The following SLC35A5 variants were observed in gnomAD, a reference collection of about 807,000 sequenced individuals.
SLC35A5 encodes UDP-sugar transporter protein SLC35A5.
A neutral mutation model predicts 36.3 loss-of-function variants in SLC35A5; 28 were observed. That is an observed-to-expected ratio of 0.77 (90% confidence interval 0.57 to 1.06). The LOEUF (loss-of-function observed/expected upper bound fraction) is 1.06. Among genes scored for constraint, SLC35A5 ranks in the 50% least tolerant of loss-of-function variants. SLC35A5 has a pLI of 0.00. For synonymous variants in SLC35A5, 180 were observed against 173.7 expected, an observed-to-expected ratio of 1.04 and a Z score of -0.29; for missense variants, 521 against 499.3, an observed-to-expected ratio of 1.04 and a Z score of -0.41.
At chr3:112,575,515 T>C (rs1402541035) in intron 5 of SLC35A5, among the ~76,000 whole-genome samples, 2 of 152,028 alleles carry the variant, frequency 1.3e-5, no homozygotes, top group Admixed American at 6.5e-5. Context: ...ATTTTAAATA[T>C]TTGCTTTTAA....
intron 5 of SLC35A5, among the ~76,000 whole-genome samples, chr3:112,577,209 A>G (rs1190902359): frequency 6.6e-6 from 1 of 152,186 alleles, no homozygotes; most frequent in Non-Finnish European, 1.5e-5. Context: ...AGTGGGAAAA[A>G]AAATATTATC....
At position 112,581,242 on chromosome 3, in the gene SLC35A5, C is replaced by T. The variant is rs1934906361; in HGVS notation, c.1125C>T (p.Ala375=). The T allele has an allele frequency of 6.2e-7, 1 of 1,613,752 alleles. No individual in the cohort carries two copies. The highest frequency in any genetic ancestry group is 1.3e-5 in the African/African-American group (1 of 74,936). The change falls in exon 6 of 7, where the codon GCC becomes GCT. Residue 375 remains alanine, a synonymous_variant. Coordinates refer to ENST00000492406, the MANE Select transcript of SLC35A5 (RefSeq NM_017945.5). ...TTCTCTCTATATTTATTTATAATGC[C>T]AGCAAGCCTCAAGTTCCGGAATACG... ...SVLLSIFIYN[A]SKPQVPEYAP... is the part of the protein sequence containing the mutation.
chr3:112,563,376 CTCTTTA>C lies in SLC35A5; in HGVS notation c.-19-8_-19-3del, dbSNP rs1263869108. On this transcript the variant is annotated splice_polypyrimidine_tract_variant and splice_region_variant and intron_variant, in intron 1 of 6. Transcript: ENST00000492406. ...CAAGGTCGTTCATGAAAGTGTTTTT[CTCTTTA>C]AGGTAATTAAAAAACAGTGGAATGG... 3 of 1,449,058 alleles carry C rather than the reference CTCTTTA, an allele frequency of 2.1e-6. No homozygotes were observed. The highest frequency in any genetic ancestry group is 2.8e-6 in the Non-Finnish European group (3 of 1,080,894). The allele number at this position is 1,449,058 out of a possible 1,614,324, so 89.8% of individuals were successfully genotyped here. A position where few individuals can be genotyped will look rare whatever the true frequency, so the allele number is the denominator to read the frequency against.
chr3:112,564,489 A>G (rs1045521718), intron 2 of SLC35A5: 10 of 152,286 alleles, frequency 6.6e-5, no homozygotes, highest in Admixed American at 1.3e-4. Context: ...CTATCTCAGT[A>G]GATGGAATAT....
At chr3:112,573,176 A>G (rs951703036) in intron 4 of SLC35A5, among the ~76,000 whole-genome samples, 11 of 152,180 alleles carry the variant, frequency 7.2e-5, no homozygotes, top group African/African-American at 2.7e-4. Context: ...AGGGTGAAGT[A>G]CATCCTAAGA....
At chr3:112,561,328 C>T (rs150980880), upstream of SLC35A5, 41 of 923,820 alleles carry the variant, frequency 4.4e-5, no homozygotes, top group East Asian at 1.1e-3. Context: ...TGCACACTTC[C>T]CTGTGTCTCG....
intron 1 of SLC35A5, among the ~76,000 whole-genome samples, chr3:112,562,699 C>A (rs1217033496): frequency 6.6e-6 from 1 of 152,184 alleles, no homozygotes; most frequent in African/African-American, 2.4e-5. Context: ...TAAGCTTTTT[C>A]CTCCGAGGGA....
At chr3:112,577,252 A>G (rs1934715989) in intron 5 of SLC35A5, among the ~76,000 whole-genome samples, 1 of 152,250 alleles carries the variant, frequency 6.6e-6, no homozygotes, top group East Asian at 1.9e-4. Context: ...TCTAAAAAGA[A>G]TAAAATACCT....
chr3:112,568,155 G>C (rs540377384), intron 2 of SLC35A5, among the ~76,000 whole-genome samples: 110 of 152,318 alleles, frequency 7.2e-4, no homozygotes, highest in Non-Finnish European at 1.3e-3. Flanking sequence ...TAGGGCCACA[G>C]AGGTTTAGAG....
chr3:112,577,848 A>G (rs914291280), intron 5 of SLC35A5, among the ~76,000 whole-genome samples: 4 of 152,244 alleles, frequency 2.6e-5, no homozygotes, highest in Non-Finnish European at 5.9e-5. Context: ...ACTTCTCATT[A>G]TAAATCTGCC....
rs763676791 is a variant in SLC35A5 at position 112,580,850 on chromosome 3, A to G, written c.733A>G (p.Met245Val). ...TATAGTCCAGTGTTTTATTTCTTCA[A>G]TGGCTAATATCTATAATGAAAAGAT... ...LIIVQCFISS[M>V]ANIYNEKILK... The change falls in exon 6 of 7, where the codon ATG (methionine) becomes GTG (valine). Residue 245 changes from methionine to valine, a missense_variant. Coordinates refer to ENST00000492406, the MANE Select transcript of SLC35A5 (RefSeq NM_017945.5). 5.6e-6 allele frequency: 9 copies of G among 1,614,046 alleles called. No individual in the cohort carries two copies. The highest frequency in any genetic ancestry group is 4.5e-5 in the East Asian group (2 of 44,896).
At chr3:112,572,220 G>A (rs900983573) in intron 4 of SLC35A5, among the ~76,000 whole-genome samples, 11 of 151,586 alleles carry the variant, frequency 7.3e-5, no homozygotes, top group Non-Finnish European at 1.2e-4. Flanking sequence ...GGGATTACAG[G>A]CGTGAGCCAC....
chr3:112,581,141 A>G lies in SLC35A5; in HGVS notation c.1024A>G (p.Ile342Val), dbSNP rs767064773. The G allele has an allele frequency of 5.0e-6, 8 of 1,613,822 alleles. No individual in the cohort carries two copies. The highest frequency in any genetic ancestry group is 2.2e-5 in the South Asian group (2 of 91,082). ...CTTGATGGCCCAGGTTACCACTGTC[A>G]TTATCACAACAGTGTCTGTCCTGGT... ...HVLMAQVTTV[I>V]ITTVSVLVFD... Residue 342 changes from isoleucine to valine, a missense_variant, in exon 6 of 7, where the codon ATT becomes GTT. Transcript: ENST00000492406.
At position 112,582,991 on chromosome 3, in the gene SLC35A5, A is replaced by G; in HGVS notation, c.*255A>G. On this transcript the variant is annotated 3_prime_UTR_variant, in exon 7 of 7. Transcript: ENST00000492406. Reference sequence around the variant, plus strand: ...TCAGTACTTGATAAATCAGAAAGTTATATGTGCAGATTATTTTCCTTGGCC... The same window carrying G: ...TCAGTACTTGATAAATCAGAAAGTTGTATGTGCAGATTATTTTCCTTGGCC... 2.2e-6 allele frequency: 1 copy of G among 460,672 alleles called. No homozygotes were observed. Among genetic ancestry groups the G allele is most frequent in the Admixed American group, 3.9e-5 (1 of 25,544 alleles). 28.5% of individuals were successfully genotyped at this position (460,672 alleles called of 1,614,324 possible).
rs751036255 is a variant in SLC35A5 at position 112,563,537 on chromosome 3, A to G, written c.130+4A>G. 1 of 1,596,034 alleles carries G rather than the reference A, an allele frequency of 6.3e-7. No individual in the cohort carries two copies. The highest frequency in any genetic ancestry group is 1.1e-5 in the South Asian group (1 of 89,598). The stretch of plus-strand genomic sequence containing the variant: ...GTGAAGTATTCTGCCAATGAAGGTA[A>G]GTTAAGACTTGGTATATGCATGGAG... On this transcript the variant is annotated splice_donor_region_variant and intron_variant, in intron 2 of 6. Transcript: ENST00000492406.
intron 5 of SLC35A5, among the ~76,000 whole-genome samples, chr3:112,579,637 C>G (rs1934815308): frequency 6.6e-6 from 1 of 152,150 alleles, no homozygotes; most frequent in African/African-American, 2.4e-5. Context: ...GCTCAAGTGT[C>G]ATTTCCTCTT....
At chr3:112,561,509 G>A, upstream of SLC35A5, 3 of 1,543,388 alleles carry the variant, frequency 1.9e-6, no homozygotes, top group Non-Finnish European at 2.6e-6. Flanking sequence ...TCCCTTCACA[G>A]TATTAATCAC....
rs774328670 is a variant in SLC35A5 at position 112,584,010 on chromosome 3, CTT to C, written c.*1275_*1276del. On this transcript the variant is annotated 3_prime_UTR_variant, in exon 7 of 7. Coordinates refer to ENST00000492406, the MANE Select transcript of SLC35A5 (RefSeq NM_017945.5). ...AGCTTTATGGTGTCATTCTCAGAAACTTACACATTTCTGCTCTCCTTTCTCCT... is the reference window on the plus strand; with the variant it reads ...AGCTTTATGGTGTCATTCTCAGAAACACACATTTCTGCTCTCCTTTCTCCT... 1 of 152,180 alleles carries C rather than the reference CTT, an allele frequency of 6.6e-6. No homozygotes were observed. The highest frequency in any genetic ancestry group is 1.9e-4 in the East Asian group (1 of 5,170). 9.4% of individuals were successfully genotyped at this position (152,180 alleles called of 1,614,324 possible).
At chr3:112,573,454 G>A (rs536271479) in intron 4 of SLC35A5, among the ~76,000 whole-genome samples, 2 of 152,270 alleles carry the variant, frequency 1.3e-5, no homozygotes, top group Non-Finnish European at 2.9e-5. Context: ...ACAATTCCTA[G>A]AATGGTAAAG....
Sources: gnomAD v4.1 joint callset for allele counts (sites outside exome capture counted in the v4.1 genomes callset) on GRCh38, gnomAD v4.1.1 for gene constraint, MANE v1.5 for transcripts, NCBI Gene and HGNC (gene_info 2026-07-23, HGNC 2026-07-21) for gene names.